Variants in SLC16A10 observed in about 807,000 individuals in gnomAD.
SLC16A10 encodes the protein monocarboxylate transporter 10.
SLC16A10 carries 27 observed loss-of-function variants against 40.0 expected under a neutral mutation model. The observed-to-expected ratio is 0.67, with a 90% CI of 0.50 to 0.93. The LOEUF is 0.93. Among genes scored for constraint, SLC16A10 ranks in the 40% least tolerant of loss-of-function variants. The pLI is 0.00. For synonymous variants in SLC16A10, 213 were observed against 249.8 expected (o/e 0.85, Z 1.39); for missense variants, 529 against 658.2 (o/e 0.80, Z 2.15).
chr6:111,198,885 A>C (rs1219135347), intron 3 of SLC16A10, among the ~76,000 whole-genome samples: 1 of 152,228 alleles, frequency 6.6e-6, no homozygotes, highest in Non-Finnish European at 1.5e-5. Context: ...TAAAACATGG[A>C]AGTACATGAT....
intron 1 of SLC16A10, among the ~76,000 whole-genome samples, chr6:111,130,381 T>C (rs1166005201): frequency 5.3e-5 from 8 of 152,248 alleles, no homozygotes; most frequent in Admixed American, 2.0e-4. Context: ...TCAGTGAATC[T>C]GTTCACTGAC....
intron 1 of SLC16A10, among the ~76,000 whole-genome samples, chr6:111,103,851 T>A (rs1771233881): frequency 6.6e-6 from 1 of 152,220 alleles, no homozygotes; most frequent in East Asian, 1.9e-4. Flanking sequence ...GTTCTAATAC[T>A]GAATGTTCTG....
rs1562440416 is a variant in SLC16A10, at chr6:111,226,653, A to G, written c.*4418A>G. The G allele has an allele frequency of 6.6e-6, 1 of 152,226 alleles. No individual in the cohort carries two copies. Among genetic ancestry groups the G allele is most frequent in the African/African-American group, 2.4e-5 (1 of 41,456 alleles). The allele number at this position is 152,226 out of a possible 1,614,324, so 9.4% of individuals were successfully genotyped here. A position where few individuals can be genotyped will look rare whatever the true frequency, so the allele number is the denominator to read the frequency against. ...CTTCTTTTTACATCTATATGTTTTTATAATTTGAAAGGCAAGTAGTATCTT... is the reference window on the plus strand; with the variant it reads ...CTTCTTTTTACATCTATATGTTTTTGTAATTTGAAAGGCAAGTAGTATCTT... On this transcript the variant is annotated 3_prime_UTR_variant, in exon 6 of 6. Transcript: ENST00000368851.
chr6:111,171,885 GA>G (rs1772593060), intron 1 of SLC16A10, among the ~76,000 whole-genome samples: 2 of 148,986 alleles, frequency 1.3e-5, no homozygotes, highest in South Asian at 4.3e-4. Context: ...GACTTAATAT[GA>G]AACTCATTTC....
chr6:111,202,468 A>G (rs1773183646), intron 3 of SLC16A10, among the ~76,000 whole-genome samples: 1 of 151,782 alleles, frequency 6.6e-6, no homozygotes, highest in African/African-American at 2.4e-5. Context: ...ACAGAGTGAA[A>G]CTCTGTCTCA....
At chr6:111,200,278 A>G (rs1048400566) in intron 3 of SLC16A10, among the ~76,000 whole-genome samples, 1 of 152,246 alleles carries the variant, frequency 6.6e-6, no homozygotes, top group East Asian at 1.9e-4. Flanking sequence ...CTCTAAGCAC[A>G]TCTTAGAGAT....
At chr6:111,137,520 TG>T (rs1356595461) in intron 1 of SLC16A10, among the ~76,000 whole-genome samples, 2 of 152,240 alleles carry the variant, frequency 1.3e-5, no homozygotes, top group East Asian at 3.8e-4. Context: ...AAGCTACAAA[TG>T]GTTCTTCAAA....
intron 4 of SLC16A10, among the ~76,000 whole-genome samples, chr6:111,215,896 A>G (rs1773413892): frequency 6.6e-6 from 1 of 152,092 alleles, no homozygotes; most frequent in African/African-American, 2.4e-5. Flanking sequence ...TTGGGAGACT[A>G]AAGTGGGAGG....
Position 111,227,362 on chromosome 6 carries a change from C to G in SLC16A10, c.*5127C>G, listed in dbSNP as rs1305256142. The G allele has an allele frequency of 6.6e-6, 1 of 152,132 alleles. No individual in the cohort carries two copies. Among genetic ancestry groups the G allele is most frequent in the Non-Finnish European group, 1.5e-5 (1 of 68,034 alleles). The allele number at this position is 152,132 out of a possible 1,614,324, so 9.4% of individuals were successfully genotyped here. On this transcript the variant is annotated 3_prime_UTR_variant, in exon 6 of 6. Transcript: ENST00000368851. ...TACTATAGAACAATAGGTCACGATTCTCAAGAACAAAGCCGAATGCTCGCA... is the reference window on the plus strand; with the variant it reads ...TACTATAGAACAATAGGTCACGATTGTCAAGAACAAAGCCGAATGCTCGCA...
chr6:111,087,841 C>T lies in SLC16A10; in HGVS notation c.89C>T (p.Pro30Leu), dbSNP rs771498286. 2.9e-6 allele frequency: 4 copies of T among 1,367,080 alleles called. No homozygotes were observed. The highest frequency in any genetic ancestry group is 4.0e-5 in the South Asian group (2 of 49,980). 84.7% of individuals were successfully genotyped at this position (1,367,080 alleles called of 1,614,324 possible). ...LGPAPTGAAPPPGPGPSDSPE... is the reference protein window; with the variant it reads ...LGPAPTGAAPLPGPGPSDSPE... ...CCCGCGCCCACGGGGGCCGCTCCGC[C>T]GCCCGGCCCGGGACCCTCGGACAGC... Residue 30 changes from proline to leucine, a missense_variant, in exon 1 of 6, where the codon CCG (proline) becomes CTG (leucine). Physicochemically the swap from Pro to Leu is moderately conservative, Grantham distance 98 (BLOSUM62 -3). Transcript: ENST00000368851.
At position 111,223,343 on chromosome 6, in the gene SLC16A10, TG is replaced by T. The variant is rs1007234888; in HGVS notation, c.*1109del. On this transcript the variant is annotated 3_prime_UTR_variant, in exon 6 of 6. Transcript: ENST00000368851. ...TTATTTATCCTATGAACATTCCCAT[TG>T]TTTTTTTTTGCTATTTATATACAGA... 7 of 150,650 alleles carry T rather than the reference TG, an allele frequency of 4.6e-5. No individual in the cohort carries two copies. Among genetic ancestry groups the T allele is most frequent in the African/African-American group, 1.5e-4 (6 of 40,118 alleles). 9.3% of individuals were successfully genotyped at this position (150,650 alleles called of 1,614,324 possible).
At chr6:111,157,704 G>A (rs967435053) in intron 1 of SLC16A10, among the ~76,000 whole-genome samples, 8 of 152,066 alleles carry the variant, frequency 5.3e-5, no homozygotes, top group Admixed American at 4.6e-4. Flanking sequence ...GCAGATCTAT[G>A]CCACAGAGAA....
chr6:111,208,670 C>T (rs1304408505), intron 4 of SLC16A10, among the ~76,000 whole-genome samples: 1 of 152,072 alleles, frequency 6.6e-6, no homozygotes, highest in Non-Finnish European at 1.5e-5. Context: ...AGGCCACATA[C>T]TGAATGATTC....
Position 111,226,820 on chromosome 6 carries a change from C to CTACTT in SLC16A10, c.*4590_*4594dup, listed in dbSNP as rs1386344802. ...GAATACATCGTAGAAGGAAGACTTGCTACTTTACTGACTTAATCATTAGTT... is the reference window on the plus strand; with the variant it reads ...GAATACATCGTAGAAGGAAGACTTGCTACTTTACTTTACTGACTTAATCATTAGTT... On this transcript the variant is annotated 3_prime_UTR_variant, in exon 6 of 6. Transcript: ENST00000368851. 6.6e-6 allele frequency: 1 copy of CTACTT among 152,158 alleles called. No individual in the cohort carries two copies. The highest frequency in any genetic ancestry group is 1.5e-5 in the Non-Finnish European group (1 of 67,998). The allele number at this position is 152,158 out of a possible 1,614,324, so 9.4% of individuals were successfully genotyped here.
chr6:111,162,632 A>G (rs1323083762), intron 1 of SLC16A10, among the ~76,000 whole-genome samples: 1 of 152,226 alleles, frequency 6.6e-6, no homozygotes, highest in African/African-American at 2.4e-5. Context: ...GATGCAAATA[A>G]CTGTATTGCT....
intron 4 of SLC16A10, among the ~76,000 whole-genome samples, chr6:111,215,787 T>C (rs1016106866): frequency 6.6e-6 from 1 of 152,170 alleles, no homozygotes; most frequent in African/African-American, 2.4e-5. Context: ...AGTAGTTTGT[T>C]TGAGCCCGGG....
At chr6:111,125,133 T>C (rs1771652992) in intron 1 of SLC16A10, among the ~76,000 whole-genome samples, 1 of 152,228 alleles carries the variant, frequency 6.6e-6, no homozygotes. Context: ...TATTTTTGTT[T>C]CCGAATTCTC....
At chr6:111,208,928 A>G (rs1233620623) in intron 4 of SLC16A10, among the ~76,000 whole-genome samples, 3 of 152,194 alleles carry the variant, frequency 2.0e-5, no homozygotes, top group Admixed American at 6.5e-5. Context: ...AAGGCCAGGC[A>G]TGGCAGCTCA....
At chr6:111,114,138 A>G (rs1237476975) in intron 1 of SLC16A10, among the ~76,000 whole-genome samples, 1 of 151,960 alleles carries the variant, frequency 6.6e-6, no homozygotes, top group Non-Finnish European at 1.5e-5. Flanking sequence ...TCTTTGTTTA[A>G]GTCAAGCATT....
Sources: gnomAD v4.1 joint callset for allele counts (sites outside exome capture counted in the v4.1 genomes callset) on GRCh38, gnomAD v4.1.1 for gene constraint, MANE v1.5 for transcripts, NCBI Gene and HGNC (gene_info 2026-07-23, HGNC 2026-07-21) for gene names.